Variants in RNF213 observed in about 807,000 individuals in gnomAD.
RNF213 encodes the protein E3 ubiquitin-protein ligase RNF213.
Under a neutral mutation model 514.4 loss-of-function variants are expected in RNF213, and 341 were observed. That is an observed-to-expected ratio of 0.66 (90% confidence interval 0.61 to 0.73). RNF213 has a LOEUF of 0.73. Ranked by LOEUF, RNF213 falls within the 30% of genes least tolerant of loss-of-function variation. RNF213 has a pLI of 0.00. For synonymous variants in RNF213, 2,655 were observed against 2,658.2 expected, an observed-to-expected ratio of 1.00 and a Z score of 0.04; for missense variants, 5,767 against 6,615.6, an observed-to-expected ratio of 0.87 and a Z score of 4.45.
intron 18 of RNF213, among the ~76,000 whole-genome samples, chr17:80,325,816 A>G (rs910824344): frequency 1.2e-4 from 18 of 152,194 alleles, no homozygotes; most frequent in Admixed American, 3.9e-4. Flanking sequence ...GATGTGGAAC[A>G]GCCAAAATCA....
chr17:80,317,423 C>A lies in RNF213; in HGVS notation c.2901+146C>A. ...ACAGCTCCGTGTTTCTGTTTCTGAT[C>A]CAGCCCTTATAGTCTGTCCCTAGAA... On this transcript the variant is annotated intron_variant, in intron 16 of 67. Coordinates refer to ENST00000582970, the MANE Select transcript of RNF213 (RefSeq NM_001256071.3). The surrounding 1 kb of genome is among the most constrained non-coding windows in gnomAD (Gnocchi z 4.1). 1.3e-6 allele frequency: 1 copy of A among 775,130 alleles called. No homozygotes were observed. The highest frequency in any genetic ancestry group is 2.3e-6 in the Non-Finnish European group (1 of 442,790). The allele number at this position is 775,130 out of a possible 1,614,324, so 48.0% of individuals were successfully genotyped here.
intron 48 of RNF213, 114 bp from the exon 49 acceptor site, chr17:80,372,861 A>T: frequency 7.3e-7 from 1 of 1,372,006 alleles, no homozygotes; most frequent in South Asian, 1.2e-5. Flanking sequence ...TCTCCCCTGG[A>T]TGTGTTTCTG....
intron 17 of RNF213, chr17:80,319,620 C>T: frequency 6.5e-7 from 1 of 1,531,612 alleles, no homozygotes; most frequent in Non-Finnish European, 8.8e-7. Context: ...GCCCTGTCAT[C>T]ACTGTGGCTG....
At chr17:80,295,838 T>C in intron 10 of RNF213, 25 bp downstream of exon 10, 2 of 1,612,840 alleles carry the variant, frequency 1.2e-6, no homozygotes, top group Non-Finnish European at 1.7e-6. Context: ...TGTCAAAATG[T>C]TTTTTATAGC....
chr17:80,295,535 C>G, intron 9 of RNF213, 22 bp from the exon 10 acceptor site: 1 of 1,613,966 alleles, frequency 6.2e-7, no homozygotes, highest in Non-Finnish European at 8.5e-7. Flanking sequence ...GTTCATGCAT[C>G]TTCCTCTTCT....
chr17:80,353,000 T>A lies in RNF213; in HGVS notation c.10364T>A (p.Val3455Glu). 1 of 1,613,930 alleles carries A rather than the reference T, an allele frequency of 6.2e-7. No individual in the cohort carries two copies. Among genetic ancestry groups the A allele is most frequent in the Non-Finnish European group, 8.5e-7 (1 of 1,180,032 alleles). Residue 3455 changes from valine to glutamate, a missense_variant, in exon 33 of 68, where the codon GTG becomes GAG. Around this residue, in one of 13 missense-constraint regions of RNF213, gnomAD observed 919 missense variants for 1,121.0 expected, o/e 0.82. Transcript: ENST00000582970. ...AGATCCACCCTCATGGTTTCTGATG[T>A]GACCAGGCTGCAGCATGTCACCATC... Reference protein sequence around the residue: ...LRRSTLMVSDVTRLQHVTISQ... With the variant: ...LRRSTLMVSDETRLQHVTISQ...
At chr17:80,289,976 G>A in intron 6 of RNF213, 139 bp downstream of exon 6, 1 of 928,632 alleles carries the variant, frequency 1.1e-6, no homozygotes, top group East Asian at 2.6e-5. Flanking sequence ...GGGGAAAAGG[G>A]GACCACTTAG....
intron 14 of RNF213, among the ~76,000 whole-genome samples, chr17:80,312,274 A>G (rs2045597051): frequency 6.6e-6 from 1 of 152,086 alleles, no homozygotes; most frequent in Non-Finnish European, 1.5e-5. Flanking sequence ...GGGAGGAGGA[A>G]GGAGAGGGAG....
Position 80,312,662 on chromosome 17 carries a change from C to A in RNF213, c.2656-350C>A, listed in dbSNP as rs570370591. Among the ~76,000 whole-genome samples the A allele has an allele frequency of 2.6e-5, 4 of 152,334 alleles. No individual in the cohort carries two copies. The East Asian group carries it at 7.7e-4, about 29-fold the overall frequency. ...TCTAAGGAACAGGCCCGGGAGTCTG[C>A]AGGGCCCCTCTCTGGGGCGTGCTTT... On this transcript the variant is annotated intron_variant, in intron 14 of 67. Coordinates refer to ENST00000582970, the MANE Select transcript of RNF213 (RefSeq NM_001256071.3).
chr17:80,368,409 G>A (rs1210539374), intron 44 of RNF213, among the ~76,000 whole-genome samples: 1 of 151,214 alleles, frequency 6.6e-6, no homozygotes, highest in Non-Finnish European at 1.5e-5. Flanking sequence ...CCTCACCAGA[G>A]GCCCAAGGAA....
intron 3 of RNF213, among the ~76,000 whole-genome samples, chr17:80,279,979 C>G (rs983711054): frequency 1.3e-5 from 2 of 152,238 alleles, no homozygotes; most frequent in Non-Finnish European, 2.9e-5. Context: ...GCGCTCCCCC[C>G]AGCCCCTGCC....
chr17:80,337,148 T>C (rs115173377), intron 23 of RNF213, among the ~76,000 whole-genome samples: 2 of 152,336 alleles, frequency 1.3e-5, no homozygotes, highest in African/African-American at 4.8e-5. Flanking sequence ...ACTTCTCTTA[T>C]TGTACTTGGG....
chr17:80,333,900 C>T (rs999451917), intron 21 of RNF213: 12 of 582,776 alleles, frequency 2.1e-5, no homozygotes, highest in Non-Finnish European at 3.7e-5. Context: ...CCAGGAATCA[C>T]AGTTCATCTT....
chr17:80,313,324 C>T (rs1380081856), intron 15 of RNF213, among the ~76,000 whole-genome samples, 157 bp downstream of exon 15: 2 of 152,384 alleles, frequency 1.3e-5, no homozygotes, highest in South Asian at 2.1e-4. Flanking sequence ...TCCTGTCTAC[C>T]TGGCAGGGTG....
At chr17:80,269,585 A>G (rs2043744365) in intron 2 of RNF213, among the ~76,000 whole-genome samples, 1 of 150,944 alleles carries the variant, frequency 6.6e-6, no homozygotes, top group Non-Finnish European at 1.5e-5. Flanking sequence ...TATACTATCT[A>G]TCCGTCCATC....
chr17:80,331,906 T>G (rs544041461), intron 20 of RNF213, 100 bp from the exon 21 acceptor site: 2 of 1,372,526 alleles, frequency 1.5e-6, no homozygotes, highest in Non-Finnish European at 1.9e-6. Context: ...TGCTCTTGAG[T>G]TCGCTCAGAG....
At chr17:80,338,448 A>T (rs2078051073) in intron 25 of RNF213, among the ~76,000 whole-genome samples, 1 of 152,158 alleles carries the variant, frequency 6.6e-6, no homozygotes, top group African/African-American at 2.4e-5. Flanking sequence ...CAATTTTATT[A>T]TAGGTTCTTT....
At position 80,347,157 on chromosome 17, in the gene RNF213, C is replaced by T. The variant is rs138004000; in HGVS notation, c.8822C>T (p.Thr2941Met). The T allele has an allele frequency of 1.8e-5, 29 of 1,613,946 alleles. No homozygotes were observed. The highest frequency in any genetic ancestry group is 6.6e-5 in the South Asian group (6 of 91,050). Residue 2941 changes from threonine (T) to methionine (M), a missense_variant, in exon 29 of 68, where the codon ACG (threonine) becomes ATG (methionine). Physicochemically the swap from Thr to Met is moderately conservative, Grantham distance 81. Transcript: ENST00000582970. The surrounding 1 kb of genome is among the most constrained non-coding windows in gnomAD (Gnocchi z 7.2). ...GCGTCCTTTGCCAAAGCCTACGAAA[C>T]GGTGTGTAAGCGCCAGGACAAGGAA... Reference protein sequence around the residue: ...YFASFAKAYETVCKRQDKEFF... With the variant: ...YFASFAKAYEMVCKRQDKEFF...
At position 80,377,391 on chromosome 17, in the gene RNF213, A is replaced by G. The variant is rs1472922601; in HGVS notation, c.13511-371A>G. ...GTAAATTTTGCTGTTGCCTGAGTAA[A>G]TATTTTAAAACTAGTTTTTAAAGTT... is the stretch of plus-strand genomic sequence containing the variant. On this transcript the variant is annotated intron_variant, in intron 53 of 67. Transcript: ENST00000582970. This position sits in a 1 kb window ranked among gnomAD's most constrained non-coding sequence, Gnocchi z 4.1. 6.6e-6 allele frequency among the ~76,000 whole-genome samples: 1 copy of G among 152,000 alleles called. No homozygotes were observed. The highest frequency in any genetic ancestry group is 6.6e-5 in the Admixed American group (1 of 15,246).
Sources: allele counts gnomAD v4.1 joint callset (sites outside exome capture counted in the v4.1 genomes callset), GRCh38; gene constraint gnomAD v4.1.1; regional missense constraint gnomAD v4.1.1; non-coding constraint Gnocchi (gnomAD v3.1); transcripts MANE v1.5; gene names NCBI Gene and HGNC (gene_info 2026-07-23, HGNC 2026-07-21).